Variants in FIG4 observed in about 807,000 individuals in gnomAD.
The protein encoded by FIG4 is polyphosphoinositide phosphatase.
In FIG4, 112 loss-of-function variants were observed where a neutral mutation model predicts 118.6. The observed-to-expected ratio is 0.94, with a 90% CI of 0.81 to 1.11. The LOEUF (loss-of-function observed/expected upper bound fraction) is 1.11, where lower values mean the gene tolerates loss of function less well. Among genes scored for constraint, FIG4 ranks in the 50% least tolerant of loss-of-function variants. FIG4 has a pLI of 0.00. For synonymous variants in FIG4, 369 were observed against 381.2 expected (o/e 0.97, Z 0.37); for missense variants, 969 against 1,111.7 (o/e 0.87, Z 1.83).
At chr6:109,796,907 C>T in intron 22 of FIG4, 56 bp downstream of exon 22, 4 of 1,015,438 alleles carry the variant, frequency 3.9e-6, no homozygotes, top group Non-Finnish European at 6.3e-6. Flanking sequence ...ACTCATAGGG[C>T]TTTCTTTAAA....
In FIG4 at chr6:109,741,476, A is replaced by G. The variant is rs61729092; in HGVS notation, c.808A>G (p.Thr270Ala). 6.6e-4 allele frequency: 1,068 copies of G among 1,613,224 alleles called. 8 individuals are homozygous for G. In the African/African-American group the frequency reaches 0.013, roughly 19 times the overall value. Residue 270 changes from threonine (T) to alanine (A), a missense_variant, in exon 8 of 23, where the codon ACT becomes GCT. Thr to Ala is a moderately conservative substitution (Grantham distance 58, BLOSUM62 0). Around this residue, in one of 3 missense-constraint regions of FIG4, gnomAD observed 393 missense variants for 409.4 expected, o/e 0.96. Transcript: ENST00000230124. ...GATCTATGGACGACCAGTGTATGTCACTCTAATAGCTAGAAGATCCAGTAA... is the reference window on the plus strand; with the variant it reads ...GATCTATGGACGACCAGTGTATGTCGCTCTAATAGCTAGAAGATCCAGTAA... ...LLIYGRPVYV[T>A]LIARRSSKFA...
chr6:109,693,732 A>G (rs963357451), intron 1 of FIG4, among the ~76,000 whole-genome samples: 2 of 152,048 alleles, frequency 1.3e-5, no homozygotes, highest in East Asian at 1.9e-4. Flanking sequence ...ATTCATGGCC[A>G]GGGGGGGTCT....
At chr6:109,722,281 C>G (rs1200860666) in intron 3 of FIG4, among the ~76,000 whole-genome samples, 1 of 151,504 alleles carries the variant, frequency 6.6e-6, no homozygotes, top group Non-Finnish European at 1.5e-5. Context: ...TCTAAAATAC[C>G]AATATTTTTC....
chr6:109,792,532 A>G (rs1040488788), intron 20 of FIG4, 50 bp from the exon 21 acceptor site: 14 of 1,085,318 alleles, frequency 1.3e-5, no homozygotes, highest in Middle Eastern at 2.0e-4. Flanking sequence ...TTGATATGCT[A>G]TATGTCTAAA....
intron 12 of FIG4, among the ~76,000 whole-genome samples, chr6:109,763,454 G>A (rs1313700329): frequency 2.6e-5 from 4 of 152,150 alleles, no homozygotes; most frequent in African/African-American, 9.7e-5. Context: ...GAGAAAATAA[G>A]TAGTCTCTAA....
At chr6:109,700,163 A>G (rs1424345905) in intron 1 of FIG4, among the ~76,000 whole-genome samples, 1 of 152,218 alleles carries the variant, frequency 6.6e-6, no homozygotes, top group Non-Finnish European at 1.5e-5. Context: ...ATAGCAATCA[A>G]CTTATCTTTC....
intron 3 of FIG4, among the ~76,000 whole-genome samples, chr6:109,724,048 A>G (rs1232611778): frequency 6.6e-6 from 1 of 151,870 alleles, no homozygotes; most frequent in Non-Finnish European, 1.5e-5. Flanking sequence ...TTTGGGCAAT[A>G]TTTCCCAAAA....
At position 109,756,186 on chromosome 6, in the gene FIG4, TTA is replaced by T. The variant is rs1255305061; in HGVS notation, c.1138-4063_1138-4062del. ...GTCTGTAAAGTATTTTATTTCTCCT[TTA>T]CTTATGAAGCTTAGTTTGGCTGGAT... On this transcript the variant is annotated intron_variant, in intron 10 of 22. Transcript: ENST00000230124. Among the ~76,000 whole-genome samples, 1,144 of 152,134 alleles carry T rather than the reference TTA, an allele frequency of 7.5e-3. 22 individuals carry two copies. The highest frequency in any genetic ancestry group is 0.024 in the African/African-American group (1,009 of 41,438).
chr6:109,732,615 T>A, intron 4 of FIG4, 22 bp from the exon 5 acceptor site: 1 of 1,117,730 alleles, frequency 8.9e-7, no homozygotes, highest in Non-Finnish European at 1.3e-6. Flanking sequence ...AAATGAAATG[T>A]ACTTTGTTTT....
intron 22 of FIG4, among the ~76,000 whole-genome samples, chr6:109,802,615 C>T (rs556609181): frequency 1.5e-4 from 23 of 152,330 alleles, no homozygotes; most frequent in African/African-American, 5.5e-4. Flanking sequence ...TATATGAATG[C>T]ATCTCTTCTG....
chr6:109,723,328 A>G (rs1057234866), intron 3 of FIG4, among the ~76,000 whole-genome samples: 1 of 152,170 alleles, frequency 6.6e-6, no homozygotes, highest in Non-Finnish European at 1.5e-5. Flanking sequence ...TTATATGGCA[A>G]CTAGTGTGTT....
chr6:109,728,688 G>GT (rs1182461199), intron 4 of FIG4, among the ~76,000 whole-genome samples: 3 of 152,158 alleles, frequency 2.0e-5, no homozygotes, highest in Non-Finnish European at 2.9e-5. Context: ...GATAAGTACA[G>GT]TTTATCAGAG....
In FIG4 at chr6:109,743,773, G is replaced by T; in HGVS notation, c.1137+1G>T. 1.2e-6 allele frequency: 2 copies of T among 1,603,136 alleles called. No homozygotes were observed. Among genetic ancestry groups the T allele is most frequent in the Non-Finnish European group, 1.7e-6 (2 of 1,170,554 alleles). On this transcript the variant is annotated splice_donor_variant, in intron 10 of 22. Coordinates refer to ENST00000230124, the MANE Select transcript of FIG4 (RefSeq NM_014845.6). LOFTEE classifies it high-confidence loss of function. ...CATCATCATCTTGAATTTAGTGAAG[G>T]TATGATGTGCTCATCTGTTTGGTTA...
chr6:109,813,408 G>T (rs1778774523), intron 22 of FIG4, among the ~76,000 whole-genome samples: 1 of 152,146 alleles, frequency 6.6e-6, no homozygotes, highest in African/African-American at 2.4e-5. Context: ...TCCCTAAAAT[G>T]TCCTTAATTG....
chr6:109,714,966 T>A (rs1775382448), intron 1 of FIG4, 112 bp from the exon 2 acceptor site: 2 of 628,676 alleles, frequency 3.2e-6, no homozygotes. Flanking sequence ...AATATTTCTT[T>A]AAAAAGTAAC....
chr6:109,747,051 A>G (rs1776522190), intron 10 of FIG4, among the ~76,000 whole-genome samples: 1 of 152,064 alleles, frequency 6.6e-6, no homozygotes, highest in South Asian at 2.1e-4. Context: ...TCATGAGTGT[A>G]GTTTGGACAT....
intron 22 of FIG4, among the ~76,000 whole-genome samples, chr6:109,807,823 T>TA (rs1314371955): frequency 2.0e-5 from 3 of 152,216 alleles, no homozygotes; most frequent in African/African-American, 2.4e-5. Flanking sequence ...GTTTTCTACA[T>TA]ATGGCTAGCC....
At chr6:109,772,658 G>T (rs1196218839) in intron 15 of FIG4, among the ~76,000 whole-genome samples, 1 of 152,016 alleles carries the variant, frequency 6.6e-6, no homozygotes, top group Non-Finnish European at 1.5e-5. Context: ...TCTCCATGTT[G>T]GTCAGGCTGG....
At chr6:109,722,738 G>A (rs1775649185) in intron 3 of FIG4, among the ~76,000 whole-genome samples, 1 of 150,704 alleles carries the variant, frequency 6.6e-6, no homozygotes, top group African/African-American at 2.4e-5. Context: ...GCTGGGCAGG[G>A]ATGGGACCTT....
Sources: allele counts gnomAD v4.1 joint callset (sites outside exome capture counted in the v4.1 genomes callset), GRCh38; gene constraint gnomAD v4.1.1; regional missense constraint gnomAD v4.1.1; transcripts MANE v1.5; gene names NCBI Gene and HGNC (gene_info 2026-07-23, HGNC 2026-07-21).